The following RBCK1 variants were observed in gnomAD, a reference collection of about 807,000 sequenced individuals.
RBCK1 encodes the protein ranBP-type and C3HC4-type zinc finger-containing protein 1.
A neutral mutation model predicts 71.1 loss-of-function variants in RBCK1; 44 were observed. The ratio of observed to expected loss-of-function variants is 0.62; its 90% CI spans 0.49 to 0.80. The LOEUF is 0.80. RBCK1 is among the 30% of genes least tolerant of loss of function. The pLI is 0.00. For missense variants in RBCK1, 569 were observed against 685.0 expected, an observed-to-expected ratio of 0.83 and a Z score of 1.89; for synonymous variants, 306 against 279.7, an observed-to-expected ratio of 1.09 and a Z score of -0.94.
chr20:421,831 C>G (rs921101369), intron 7 of RBCK1: 4 of 386,232 alleles, frequency 1.0e-5, no homozygotes, highest in Non-Finnish European at 1.9e-5. Flanking sequence ...GGCTGCTGTT[C>G]TGAGATAGAC....
At chr20:420,444 A>C in intron 6 of RBCK1, 2 of 969,114 alleles carry the variant, frequency 2.1e-6, no homozygotes, top group Admixed American at 6.6e-5. Flanking sequence ...CGGCTTCGTC[A>C]CTTCCCCACC....
chr20:422,388 C>T lies in RBCK1; in HGVS notation c.1029+150C>T, dbSNP rs915360047. On this transcript the variant is annotated intron_variant, in intron 8 of 11. Coordinates refer to ENST00000356286, the MANE Select transcript of RBCK1 (RefSeq NM_031229.4). The surrounding 1 kb of genome is among the most constrained non-coding windows in gnomAD (Gnocchi z 5.0). ...TCCAAGCTGGTCTCAAACTCCTGGGCTTAAGCGATCATTCATCCTCAGCCC... is the reference window on the plus strand; with the variant it reads ...TCCAAGCTGGTCTCAAACTCCTGGGTTTAAGCGATCATTCATCCTCAGCCC... 2 of 659,402 alleles carry T rather than the reference C, an allele frequency of 3.0e-6. No homozygotes were observed. The highest frequency in any genetic ancestry group is 5.3e-6 in the Non-Finnish European group (2 of 380,784). The allele number at this position is 659,402 out of a possible 1,614,324, so 40.8% of individuals were successfully genotyped here.
Position 431,478 on chromosome 20 carries a change from T to C in RBCK1, c.*1048T>C, listed in dbSNP as rs114024284. Among the ~76,000 whole-genome samples, 12 of 152,296 alleles carry C rather than the reference T, an allele frequency of 7.9e-5. No homozygotes were observed. The highest frequency in any genetic ancestry group is 2.9e-4 in the African/African-American group (12 of 41,570). On this transcript the variant is annotated 3_prime_UTR_variant, in exon 12 of 12. Transcript: ENST00000356286. This position sits in a 1 kb window ranked among gnomAD's most constrained non-coding sequence, Gnocchi z 4.8. ...TCCTGGGATGTTCATTCTCTAAGTC[T>C]TTCCTCCGCTCTGTGACCCACCCTC...
intron 8 of RBCK1, among the ~76,000 whole-genome samples, chr20:425,719 C>T (rs1000731772): frequency 4.0e-5 from 6 of 151,766 alleles, no homozygotes; most frequent in Admixed American, 6.6e-5. Flanking sequence ...CTCCACCTCC[C>T]GGGTTCAAAC....
At chr20:418,184 G>T (rs1352662424) in intron 4 of RBCK1, among the ~76,000 whole-genome samples, 1 of 152,210 alleles carries the variant, frequency 6.6e-6, no homozygotes, top group East Asian at 1.9e-4. Context: ...CTTGGGCAAG[G>T]TTGCTCCTAT....
chr20:414,294 C>A (rs1343440979), intron 2 of RBCK1, among the ~76,000 whole-genome samples: 1 of 152,066 alleles, frequency 6.6e-6, no homozygotes, highest in Non-Finnish European at 1.5e-5. Flanking sequence ...CACCTGTAGT[C>A]CCAGCTATTT....
intron 4 of RBCK1, among the ~76,000 whole-genome samples, chr20:418,518 G>T (rs182972920): frequency 1.3e-5 from 2 of 151,998 alleles, no homozygotes; most frequent in Non-Finnish European, 2.9e-5. Context: ...ACAGGCGCCC[G>T]CCACCACGCC....
intron 6 of RBCK1, 108 bp downstream of exon 6, chr20:419,839 C>T: frequency 1.4e-6 from 2 of 1,448,524 alleles, no homozygotes; most frequent in Admixed American, 2.4e-5. Flanking sequence ...CTGCCTTGCC[C>T]CTCCCAACCA....
At chr20:420,824 G>C in intron 6 of RBCK1, 47 bp from the exon 7 acceptor site, 1 of 1,477,768 alleles carries the variant, frequency 6.8e-7, no homozygotes, top group Non-Finnish European at 9.0e-7. Flanking sequence ...GGTCTGACCC[G>C]CCCCCGAGGC....
At chr20:425,623 ATTCTTTTT>A (rs1010013381) in intron 8 of RBCK1, among the ~76,000 whole-genome samples, 4 of 130,068 alleles carry the variant, frequency 3.1e-5, no homozygotes, top group African/African-American at 1.2e-4. Context: ...TGCATGGTGT[ATTCTTTTT>A]TTTTTTTTTT....
Position 417,416 on chromosome 20 carries a change from T to TGG in RBCK1, c.168-109_168-108insGG. On this transcript the variant is annotated intron_variant, in intron 2 of 11. Coordinates refer to ENST00000356286, the MANE Select transcript of RBCK1 (RefSeq NM_031229.4). The surrounding 1 kb of genome is among the most constrained non-coding windows in gnomAD (Gnocchi z 4.7). ...GGGTTTGTGTGTGTGTGTGTGTGTG[T>TGG]GTGTGTGCATGGCCATGTGCCTGTG... The TGG allele has an allele frequency of 1.1e-6, 1 of 885,852 alleles. No homozygotes were observed. The highest frequency in any genetic ancestry group is 1.9e-6 in the Non-Finnish European group (1 of 523,536). 54.9% of individuals were successfully genotyped at this position (885,852 alleles called of 1,614,324 possible). A position where few individuals can be genotyped will look rare whatever the true frequency, so the allele number is the denominator to read the frequency against.
At chr20:419,816 C>T (rs1171959064) in intron 6 of RBCK1, 85 bp downstream of exon 6, 74 of 1,467,102 alleles carry the variant, frequency 5.0e-5, no homozygotes, top group Non-Finnish European at 6.5e-5. Flanking sequence ...CGCACTGCCG[C>T]GCCTCTCCGT....
At position 419,653 on chromosome 20, in the gene RBCK1, C is replaced by G. The variant is rs765206788; in HGVS notation, c.678C>G (p.Val226=). Residue 226 remains valine, a synonymous_variant, in exon 6 of 12, where the codon GTC becomes GTG. Transcript: ENST00000356286. The part of the protein sequence containing the change: ...CCRARPEAYQ[V]PASYQPDEEE... Reference sequence around the variant, plus strand: ...GGGCGCGCCCCGAGGCCTACCAGGTCCCCGCCTCATACCAGCCCGACGAGG... The same window carrying G: ...GGGCGCGCCCCGAGGCCTACCAGGTGCCCGCCTCATACCAGCCCGACGAGG... 2 of 1,585,032 alleles carry G rather than the reference C, an allele frequency of 1.3e-6. No individual in the cohort carries two copies. Among genetic ancestry groups the G allele is most frequent in the Non-Finnish European group, 1.7e-6 (2 of 1,167,904 alleles).
intron 8 of RBCK1, among the ~76,000 whole-genome samples, chr20:424,194 G>C (rs557655392): frequency 4.0e-4 from 61 of 152,320 alleles, no homozygotes; most frequent in African/African-American, 1.4e-3. Flanking sequence ...CGCTCTTCAT[G>C]AATTCGTTAG....
chr20:410,777 T>G, intron 2 of RBCK1: 1 of 471,018 alleles, frequency 2.1e-6, no homozygotes, highest in South Asian at 3.9e-5. Context: ...TTTTGACTGC[T>G]TTTTCATTAC....
At chr20:429,489 G>C (rs1216812660) in intron 11 of RBCK1, among the ~76,000 whole-genome samples, 1 of 152,154 alleles carries the variant, frequency 6.6e-6, no homozygotes, top group Non-Finnish European at 1.5e-5. Flanking sequence ...GCCTCCCAAA[G>C]TGCTAGGATT....
At position 419,648 on chromosome 20, in the gene RBCK1, C is replaced by A; in HGVS notation, c.673C>A (p.Gln225Lys). Reference protein sequence around the residue: ...MCCRARPEAYQVPASYQPDEE... With the variant: ...MCCRARPEAYKVPASYQPDEE... ...CTGCCGGGCGCGCCCCGAGGCCTACCAGGTCCCCGCCTCATACCAGCCCGA... is the reference window on the plus strand; with the variant it reads ...CTGCCGGGCGCGCCCCGAGGCCTACAAGGTCCCCGCCTCATACCAGCCCGA... Residue 225 changes from glutamine to lysine, a missense_variant, in exon 6 of 12, where the codon CAG becomes AAG. By Grantham distance (53) the Gln-to-Lys change is moderately conservative. This residue lies in a region of RBCK1 where 358 missense variants were observed against 375.6 expected (regional missense o/e 0.95). Transcript: ENST00000356286. 1 of 1,585,758 alleles carries A rather than the reference C, an allele frequency of 6.3e-7. No homozygotes were observed. Among genetic ancestry groups the A allele is most frequent in the Non-Finnish European group, 8.6e-7 (1 of 1,168,196 alleles).
rs538961301 is a variant in RBCK1, at chr20:427,472, G to A, written c.1189G>A (p.Val397Ile). The A allele has an allele frequency of 6.3e-5, 102 of 1,613,452 alleles. No homozygotes were observed. The highest frequency in any genetic ancestry group is 8.0e-5 in the African/African-American group (6 of 74,896). ...GTTCACCTGCCCTGTGTGTTTCCAC[G>A]TCAACTGCCTGCTCTGCAAGGTGGG... is the stretch of plus-strand genomic sequence containing the variant. Reference protein sequence around the residue: ...NEFTCPVCFHVNCLLCKAIHE... With the variant: ...NEFTCPVCFHINCLLCKAIHE... Residue 397 changes from valine to isoleucine, a missense_variant, in exon 9 of 12, where the codon GTC becomes ATC. Physicochemically the swap from Val to Ile is conservative, Grantham distance 29 (BLOSUM62 3). Transcript: ENST00000356286.
Position 409,938 on chromosome 20 carries a change from C to A in RBCK1, c.80C>A (p.Ala27Glu). ...GTGGCGGGCGGGGATGAACAGGTGG[C>A]AATGAAGTGTGCCATCTGGCTGGCA... is the stretch of plus-strand genomic sequence containing the variant. ...RAVAGGDEQV[A>E]MKCAIWLAEQ... is the part of the protein sequence containing the mutation. Residue 27 changes from alanine (A) to glutamate (E), a missense_variant, in exon 2 of 12, where the codon GCA becomes GAA. Ala to Glu is a moderately radical substitution (Grantham distance 107). This residue lies in a region of RBCK1 where 358 missense variants were observed against 375.6 expected (regional missense o/e 0.95). Transcript: ENST00000356286. 1.2e-6 allele frequency: 2 copies of A among 1,613,990 alleles called. No individual in the cohort carries two copies. The highest frequency in any genetic ancestry group is 1.7e-6 in the Non-Finnish European group (2 of 1,180,014).
Sources: allele counts gnomAD v4.1 joint callset (sites outside exome capture counted in the v4.1 genomes callset), GRCh38; gene constraint gnomAD v4.1.1; regional missense constraint gnomAD v4.1.1; non-coding constraint Gnocchi (gnomAD v3.1); transcripts MANE v1.5; gene names NCBI Gene and HGNC (gene_info 2026-07-23, HGNC 2026-07-21).